Variants in SH3TC1 observed in about 807,000 individuals in gnomAD.
SH3TC1 encodes the protein SH3 domain and tetratricopeptide repeats 1, also known as SH3 domain and tetratricopeptide repeat-containing protein 1.
In SH3TC1, 135 loss-of-function variants were observed where a neutral mutation model predicts 117.3. The ratio of observed to expected loss-of-function variants is 1.15; its 90% CI spans 1.00 to 1.33. The LOEUF is 1.33. Ranked by LOEUF, SH3TC1 falls within the 40% of genes most tolerant of loss-of-function variation. SH3TC1 has a pLI of 0.00. For missense variants in SH3TC1, 2,092 were observed against 1,794.3 expected (o/e 1.17, Z -3.00); for synonymous variants, 898 against 816.9 (o/e 1.10, Z -1.69).
At chr4:8,215,983 G>T in intron 5 of SH3TC1, 128 bp from the exon 6 acceptor site, 2 of 1,170,296 alleles carry the variant, frequency 1.7e-6, no homozygotes, top group South Asian at 3.2e-5. Flanking sequence ...CCCAGGGCAG[G>T]TGGGTGTCTT....
intron 8 of SH3TC1, 86 bp downstream of exon 8, chr4:8,218,433 T>C (rs1379498339): frequency 2.1e-6 from 2 of 943,158 alleles, no homozygotes; most frequent in African/African-American, 1.6e-5. Flanking sequence ...CCCTACATCC[T>C]CCCTGAGCCA....
rs951422154 is a variant in SH3TC1, at chr4:8,190,679, C to A, written c.-57+8469C>A. Among the ~76,000 whole-genome samples the A allele has an allele frequency of 6.6e-6, 1 of 151,856 alleles. No homozygotes were observed. Among genetic ancestry groups the A allele is most frequent in the African/African-American group, 2.4e-5 (1 of 41,320 alleles). On this transcript the variant is annotated intron_variant, in intron 1 of 16. Coordinates refer to the SH3TC1 transcript ENST00000508641. The surrounding 1 kb of genome is among the most constrained non-coding windows in gnomAD (Gnocchi z 4.7). ...TTTTGGAGACAGAGCCTGGCTCTGT[C>A]GCCCAGGCTGGAGTGCAGTAGTGTG... is the stretch of plus-strand genomic sequence containing the variant.
intron 7 of SH3TC1, among the ~76,000 whole-genome samples, chr4:8,217,579 C>T (rs1044566316): frequency 7.2e-5 from 11 of 152,180 alleles, no homozygotes; most frequent in African/African-American, 1.4e-4. Flanking sequence ...CTTGCTGAAG[C>T]GGGGGGCATT....
At chr4:8,233,611 T>G in intron 14 of SH3TC1, 98 bp downstream of exon 14, 1 of 1,383,916 alleles carries the variant, frequency 7.2e-7, no homozygotes, top group Non-Finnish European at 9.6e-7. Context: ...TTCCATCATC[T>G]ATCCATTTAC....
At chr4:8,207,036 C>T (rs1383262529) in intron 2 of SH3TC1, among the ~76,000 whole-genome samples, 1 of 149,470 alleles carries the variant, frequency 6.7e-6, no homozygotes, top group Non-Finnish European at 1.5e-5. Flanking sequence ...CTACAGGCCT[C>T]ATTCAGATCT....
rs377572632 is a variant in SH3TC1, at chr4:8,216,841, G to T, written c.629-116G>T. ...TGGGTCTCTGTGCCTGCAGACACTGGGGGGGCCGCTCCTGTGGGTGTTGCC... is the reference window on the plus strand; with the variant it reads ...TGGGTCTCTGTGCCTGCAGACACTGTGGGGGCCGCTCCTGTGGGTGTTGCC... On this transcript the variant is annotated intron_variant, in intron 6 of 17. Coordinates refer to ENST00000245105, the MANE Select transcript of SH3TC1 (RefSeq NM_018986.5). 1.0e-5 allele frequency: 11 copies of T among 1,050,320 alleles called. No individual in the cohort carries two copies. In the East Asian group the frequency reaches 2.4e-4, roughly 23 times the overall value. The allele number at this position is 1,050,320 out of a possible 1,614,324, so 65.1% of individuals were successfully genotyped here. A position where few individuals can be genotyped will look rare whatever the true frequency, so the allele number is the denominator to read the frequency against.
rs377260913 is a variant in SH3TC1 at position 8,210,588 on chromosome 4, A to G, written c.247+766A>G. ...GGAGTTCAAGATCAGCCTGGCCCATATGGTGAAACCCCATCTCTACTAAAA... is the reference window on the plus strand; with the variant it reads ...GGAGTTCAAGATCAGCCTGGCCCATGTGGTGAAACCCCATCTCTACTAAAA... On this transcript the variant is annotated intron_variant, in intron 3 of 17. Coordinates refer to ENST00000245105, the MANE Select transcript of SH3TC1 (RefSeq NM_018986.5). The surrounding 1 kb of genome is among the most constrained non-coding windows in gnomAD (Gnocchi z 4.1). Among the ~76,000 whole-genome samples, 4 of 152,190 alleles carry G rather than the reference A, an allele frequency of 2.6e-5. No individual in the cohort carries two copies. The South Asian group carries it at 8.3e-4, about 32-fold the overall frequency.
chr4:8,183,056 G>T lies in SH3TC1; in HGVS notation c.-57+846G>T, dbSNP rs1224776658. ...GGGCAGAGGAGAGGCTGCCCTGGGG[G>T]TGAGGGGGATCCATGGCCCCTGGCA... On this transcript the variant is annotated intron_variant, in intron 1 of 16. Transcript: ENST00000508641. The surrounding 1 kb of genome is among the most constrained non-coding windows in gnomAD (Gnocchi z 5.4). 6.6e-6 allele frequency among the ~76,000 whole-genome samples: 1 copy of T among 152,154 alleles called. No individual in the cohort carries two copies. The highest frequency in any genetic ancestry group is 2.4e-5 in the African/African-American group (1 of 41,434).
chr4:8,205,141 C>T lies in SH3TC1; in HGVS notation c.-28-26C>T. ...TGCTGGTTCTGGAGGGGCCACCTCT[C>T]CTGACCACACCCCCTCTGTCCACAG... is the stretch of plus-strand genomic sequence containing the variant. On this transcript the variant is annotated intron_variant, in intron 1 of 17. Transcript: ENST00000245105. The surrounding 1 kb of genome is among the most constrained non-coding windows in gnomAD (Gnocchi z 5.4). The T allele has an allele frequency of 8.3e-6, 12 of 1,452,836 alleles. No homozygotes were observed. Among genetic ancestry groups the T allele is most frequent in the Non-Finnish European group, 1.1e-5 (12 of 1,101,082 alleles). 90.0% of individuals were successfully genotyped at this position (1,452,836 alleles called of 1,614,324 possible). A position where few individuals can be genotyped will look rare whatever the true frequency, so the allele number is the denominator to read the frequency against.
chr4:8,190,901 T>C lies in SH3TC1; in HGVS notation c.-57+8691T>C, dbSNP rs1369351132. On this transcript the variant is annotated intron_variant, in intron 1 of 16. Coordinates refer to the SH3TC1 transcript ENST00000508641. The surrounding 1 kb of genome is among the most constrained non-coding windows in gnomAD (Gnocchi z 4.7). Reference sequence around the variant, plus strand: ...AAGCGATCCTCCTGCCTCGGCCTCCTAAAGTGCTAGGATTACAGGCGTAAT... The same window carrying C: ...AAGCGATCCTCCTGCCTCGGCCTCCCAAAGTGCTAGGATTACAGGCGTAAT... Among the ~76,000 whole-genome samples, 1 of 151,576 alleles carries C rather than the reference T, an allele frequency of 6.6e-6. No homozygotes were observed. Among genetic ancestry groups the C allele is most frequent in the Non-Finnish European group, 1.5e-5 (1 of 67,804 alleles).
chr4:8,235,989 G>A (rs1425970325), intron 15 of SH3TC1: 3 of 462,334 alleles, frequency 6.5e-6, no homozygotes, highest in East Asian at 3.7e-5. Context: ...ACAGATAAAT[G>A]TCGTGTTTTT....
At position 8,210,632 on chromosome 4, in the gene SH3TC1, G is replaced by A. The variant is rs746768251; in HGVS notation, c.247+810G>A. ...ACTAAAAATACAAAAATTAGCTGGC[G>A]CATGCCTGTAATCCCAGCTATTTGG... On this transcript the variant is annotated intron_variant, in intron 3 of 17. Transcript: ENST00000245105. The surrounding 1 kb of genome is among the most constrained non-coding windows in gnomAD (Gnocchi z 4.1). Among the ~76,000 whole-genome samples the A allele has an allele frequency of 3.3e-5, 5 of 151,688 alleles. No homozygotes were observed. The highest frequency in any genetic ancestry group is 2.1e-4 in the South Asian group (1 of 4,790).
rs950052754 is a variant in SH3TC1 at position 8,206,301 on chromosome 4, G to T, written c.172+935G>T. Among the ~76,000 whole-genome samples the T allele has an allele frequency of 1.3e-5, 2 of 151,956 alleles. No homozygotes were observed. The highest frequency in any genetic ancestry group is 1.5e-5 in the Non-Finnish European group (1 of 67,968). The stretch of plus-strand genomic sequence containing the variant: ...CTGGCATGCCTGGGCAGGAAGGGCG[G>T]CTCAGAGGTTTGGGGTGGGGCCTGG... On this transcript the variant is annotated intron_variant, in intron 2 of 17. Coordinates refer to ENST00000245105, the MANE Select transcript of SH3TC1 (RefSeq NM_018986.5). This position sits in a 1 kb window ranked among gnomAD's most constrained non-coding sequence, Gnocchi z 5.5.
chr4:8,194,580 C>A (rs189292143), upstream of SH3TC1, among the ~76,000 whole-genome samples: 14 of 152,252 alleles, frequency 9.2e-5, no homozygotes, highest in African/African-American at 3.4e-4. Flanking sequence ...CTTCCCAGCC[C>A]GGAGCAGGCC....
chr4:8,211,629 G>A (rs879708947), intron 3 of SH3TC1, among the ~76,000 whole-genome samples: 3 of 150,918 alleles, frequency 2.0e-5, no homozygotes, highest in Admixed American at 6.6e-5. Context: ...ATCTGGGGCC[G>A]AGTCTTGACC....
At chr4:8,230,310 ATTTT>A (rs995570857) in intron 12 of SH3TC1, among the ~76,000 whole-genome samples, 4 of 151,944 alleles carry the variant, frequency 2.6e-5, no homozygotes, top group African/African-American at 9.7e-5. Flanking sequence ...TAATTTATTT[ATTTT>A]TATTAGAGAT....
rs759486326 is a variant in SH3TC1 at position 8,192,531 on chromosome 4, T to C, written c.-57+10321T>C. Among the ~76,000 whole-genome samples, 58 of 151,938 alleles carry C rather than the reference T, an allele frequency of 3.8e-4. No individual in the cohort carries two copies. Among genetic ancestry groups the C allele is most frequent in the Non-Finnish European group, 7.1e-4 (48 of 67,976 alleles). ...ATTTTTGAGATGGAGTCTCACTCTG[T>C]TGCCCAGGCTGGAGTGCCGTGGCAT... On this transcript the variant is annotated intron_variant, in intron 1 of 16. Coordinates refer to the SH3TC1 transcript ENST00000508641. The surrounding 1 kb of genome is among the most constrained non-coding windows in gnomAD (Gnocchi z 4.1).
chr4:8,218,101 C>G, intron 7 of SH3TC1, 170 bp from the exon 8 acceptor site: 1 of 487,518 alleles, frequency 2.1e-6, no homozygotes, highest in South Asian at 3.6e-5. Flanking sequence ...CTGAAGGCCA[C>G]ACACCTGGGC....
At chr4:8,224,246 G>C (rs772707729) in intron 10 of SH3TC1, among the ~76,000 whole-genome samples, 4 of 152,168 alleles carry the variant, frequency 2.6e-5, no homozygotes, top group Admixed American at 6.5e-5. Flanking sequence ...CTGCTTGCTC[G>C]ATGACATGCA....
Sources: gnomAD v4.1 joint callset for allele counts (sites outside exome capture counted in the v4.1 genomes callset) on GRCh38, gnomAD v4.1.1 for gene constraint, Gnocchi (gnomAD v3.1) non-coding constraint, MANE v1.5 for transcripts, NCBI Gene and HGNC (gene_info 2026-07-23, HGNC 2026-07-21) for gene names.